The following PHACTR1 variants were observed in gnomAD, a reference collection of about 807,000 sequenced individuals.
PHACTR1 encodes the protein RPEL repeat containing 1.
A neutral mutation model predicts 69.2 loss-of-function variants in PHACTR1; 16 were observed. The observed-to-expected ratio is 0.23, with a 90% CI of 0.16 to 0.35. The LOEUF is 0.35. Among genes scored for constraint, PHACTR1 ranks in the 10% least tolerant of loss-of-function variants. The pLI is 1.00. For synonymous variants in PHACTR1, 312 were observed against 284.5 expected (o/e 1.10, Z -0.97); for missense variants, 510 against 734.7 (o/e 0.69, Z 3.54).
intron 4 of PHACTR1, among the ~76,000 whole-genome samples, chr6:12,983,767 A>G (rs1795803831): frequency 6.6e-6 from 1 of 152,050 alleles, no homozygotes; most frequent in Non-Finnish European, 1.5e-5. Context: ...TCATTGTTCA[A>G]TTCCCACCTA....
chr6:12,888,624 G>GT (rs530697752), intron 4 of PHACTR1, among the ~76,000 whole-genome samples: 10 of 152,134 alleles, frequency 6.6e-5, no homozygotes, highest in South Asian at 6.2e-4. Flanking sequence ...TAAAATATGT[G>GT]TTTTTTTAAA....
intron 4 of PHACTR1, among the ~76,000 whole-genome samples, chr6:12,784,354 A>C (rs1330492246): frequency 1.3e-5 from 2 of 151,962 alleles, no homozygotes; most frequent in Non-Finnish European, 2.9e-5. Context: ...ATACACATAC[A>C]TATATATCTA....
chr6:12,743,189 G>GAAAAAAAAAAAA (rs56962574), intron 3 of PHACTR1, among the ~76,000 whole-genome samples: 1 of 136,750 alleles, frequency 7.3e-6, no homozygotes. Flanking sequence ...TAAATTGCAG[G>GAAAAAAAAAAAA]AAAAAAAAAA....
chr6:12,976,656 C>T (rs987784294), intron 4 of PHACTR1, among the ~76,000 whole-genome samples: 4 of 152,104 alleles, frequency 2.6e-5, no homozygotes, highest in South Asian at 2.1e-4. Flanking sequence ...AATTTCACTC[C>T]GTTCTGATAT....
chr6:12,990,423 C>A (rs1398106052), intron 4 of PHACTR1, among the ~76,000 whole-genome samples: 1 of 152,170 alleles, frequency 6.6e-6, no homozygotes, highest in Non-Finnish European at 1.5e-5. Context: ...GACCAGCCGA[C>A]CACTTCAACA....
chr6:13,229,766 C>T (rs1355814165), intron 9 of PHACTR1, among the ~76,000 whole-genome samples: 1 of 152,208 alleles, frequency 6.6e-6, no homozygotes, highest in Non-Finnish European at 1.5e-5. Context: ...CCAGTCCTGC[C>T]CTCCTTTGTG....
At chr6:12,846,116 C>T (rs551966131) in intron 4 of PHACTR1, among the ~76,000 whole-genome samples, 43 of 152,226 alleles carry the variant, frequency 2.8e-4, no homozygotes, top group Non-Finnish European at 5.1e-4. Flanking sequence ...AAACACATAA[C>T]ATGAAGACTT....
chr6:12,881,133 AAG>A (rs1783054372), intron 4 of PHACTR1, among the ~76,000 whole-genome samples: 1 of 152,184 alleles, frequency 6.6e-6, no homozygotes, highest in East Asian at 1.9e-4. Flanking sequence ...ACTGTGGACT[AAG>A]AGCTGAATTG....
intron 4 of PHACTR1, among the ~76,000 whole-genome samples, chr6:12,974,065 G>T (rs1435679281): frequency 6.6e-6 from 1 of 151,872 alleles, no homozygotes; most frequent in African/African-American, 2.4e-5. Context: ...GGAACAACAG[G>T]CATGCGCCAC....
At chr6:13,244,776 C>T (rs1191335262) in intron 10 of PHACTR1, among the ~76,000 whole-genome samples, 2 of 152,186 alleles carry the variant, frequency 1.3e-5, no homozygotes, top group Non-Finnish European at 2.9e-5. Flanking sequence ...AACACACATG[C>T]TGTACAATTT....
intron 10 of PHACTR1, among the ~76,000 whole-genome samples, chr6:13,257,028 G>T (rs1584260379): frequency 6.6e-6 from 1 of 152,278 alleles, no homozygotes; most frequent in African/African-American, 2.4e-5. Context: ...CCTGAGACTG[G>T]GTAATTTTTA....
chr6:12,820,349 T>C (rs533723781), intron 4 of PHACTR1, among the ~76,000 whole-genome samples: 1 of 152,214 alleles, frequency 6.6e-6, no homozygotes, highest in Admixed American at 6.5e-5. Context: ...TCTGACTAAT[T>C]TTTTGTATTT....
At chr6:12,944,405 G>C (rs1451826542) in intron 4 of PHACTR1, among the ~76,000 whole-genome samples, 1 of 152,192 alleles carries the variant, frequency 6.6e-6, no homozygotes, top group African/African-American at 2.4e-5. Flanking sequence ...GGTTGATTAA[G>C]AAAATCCCTC....
chr6:13,033,256 A>G (rs1802742257), intron 4 of PHACTR1, among the ~76,000 whole-genome samples: 1 of 152,200 alleles, frequency 6.6e-6, no homozygotes, highest in Admixed American at 6.5e-5. Flanking sequence ...TGGCAGGGCT[A>G]TGATTTGGAA....
At chr6:13,208,872 A>G (rs1483652268) in intron 8 of PHACTR1, among the ~76,000 whole-genome samples, 1 of 151,588 alleles carries the variant, frequency 6.6e-6, no homozygotes, top group African/African-American at 2.4e-5. Flanking sequence ...CTAGTCGGAT[A>G]AGGGAATTTT....
At chr6:12,860,074 A>G (rs1561953452) in intron 4 of PHACTR1, among the ~76,000 whole-genome samples, 1 of 152,050 alleles carries the variant, frequency 6.6e-6, no homozygotes, top group South Asian at 2.1e-4. Flanking sequence ...ACATAGGTAT[A>G]CATGTGCCAT....
intron 11 of PHACTR1, among the ~76,000 whole-genome samples, chr6:13,276,336 G>A (rs1444348671): frequency 6.6e-6 from 1 of 152,224 alleles, no homozygotes; most frequent in African/African-American, 2.4e-5. Flanking sequence ...GCCCGTGGGG[G>A]TGGCCCTCAA....
At chr6:13,222,024 G>A (rs532315642) in intron 8 of PHACTR1, among the ~76,000 whole-genome samples, 2 of 150,064 alleles carry the variant, frequency 1.3e-5, no homozygotes, top group Non-Finnish European at 3.0e-5. Context: ...GACAGAGTGA[G>A]ACTCCATCTC....
chr6:13,058,736 A>G (rs186389093), intron 5 of PHACTR1, among the ~76,000 whole-genome samples: 87 of 152,278 alleles, frequency 5.7e-4, no homozygotes, highest in African/African-American at 2.0e-3. Flanking sequence ...GAAAGTGTAG[A>G]AATGTAGAAA....
Sources: allele counts gnomAD v4.1 joint callset (sites outside exome capture counted in the v4.1 genomes callset), GRCh38; gene constraint gnomAD v4.1.1; transcripts MANE v1.5; gene names NCBI Gene and HGNC (gene_info 2026-07-23, HGNC 2026-07-21).